The following RBFOX2 variants were observed in gnomAD, a reference collection of about 807,000 sequenced individuals.
RBFOX2 encodes RNA binding protein fox-1 homolog 2.
A neutral mutation model predicts 49.1 loss-of-function variants in RBFOX2; 10 were observed. That is an observed-to-expected ratio of 0.20 (90% CI 0.13 to 0.35). RBFOX2 has a LOEUF of 0.35. Ranked by LOEUF, RBFOX2 falls within the 10% of genes least tolerant of loss-of-function variation. The pLI is 1.00. For synonymous variants in RBFOX2, 183 were observed against 187.4 expected, an observed-to-expected ratio of 0.98 and a Z score of 0.19; for missense variants, 323 against 486.9, an observed-to-expected ratio of 0.66 and a Z score of 3.17.
At chr22:35,804,541 G>A (rs1431093693) in intron 2 of RBFOX2, among the ~76,000 whole-genome samples, 1 of 152,054 alleles carries the variant, frequency 6.6e-6, no homozygotes. Flanking sequence ...CAACACCAGG[G>A]TTAACAGCTG....
intron 1 of RBFOX2, among the ~76,000 whole-genome samples, chr22:35,906,278 G>C (rs2049120927): frequency 6.6e-6 from 1 of 152,146 alleles, no homozygotes; most frequent in African/African-American, 2.4e-5. Context: ...GGGAACTCAA[G>C]ACAGGAATGG....
intron 1 of RBFOX2, among the ~76,000 whole-genome samples, chr22:35,858,109 C>A (rs2042706227): frequency 6.6e-6 from 1 of 152,084 alleles, no homozygotes; most frequent in Non-Finnish European, 1.5e-5. Flanking sequence ...TGGTAGCAAA[C>A]CTGATAAACT....
intron 2 of RBFOX2, among the ~76,000 whole-genome samples, chr22:35,801,005 G>A (rs1165025207): frequency 6.6e-6 from 1 of 152,178 alleles, no homozygotes; most frequent in Admixed American, 6.5e-5. Flanking sequence ...AAGAGGACTA[G>A]TGAATATACA....
intron 1 of RBFOX2, among the ~76,000 whole-genome samples, chr22:35,857,439 T>C (rs16996140): frequency 0.013 from 1,961 of 152,292 alleles, 42 homozygotes; most frequent in African/African-American, 0.045. Flanking sequence ...TGTCCACATG[T>C]AGGGTATAAG....
At chr22:36,022,447 TG>T (rs536254238) in intron 1 of RBFOX2, among the ~76,000 whole-genome samples, 69 of 152,296 alleles carry the variant, frequency 4.5e-4, no homozygotes, top group African/African-American at 1.6e-3. Flanking sequence ...GCTAATCTCT[TG>T]AGTCACCCTG....
chr22:36,028,560 G>A (rs2146647798), exon 1 of RBFOX2: 1 of 836,962 alleles, frequency 1.2e-6, no homozygotes, highest in South Asian at 5.4e-5. Context: ...GCGTGCGCGC[G>A]AGCGGACTCC....
chr22:35,878,668 T>C (rs2045477478), intron 1 of RBFOX2, among the ~76,000 whole-genome samples: 1 of 152,220 alleles, frequency 6.6e-6, no homozygotes, highest in Non-Finnish European at 1.5e-5. Context: ...CTTGAACTCC[T>C]GGCCTCAAGG....
chr22:35,817,350 G>A (rs534762531), intron 1 of RBFOX2, among the ~76,000 whole-genome samples: 8 of 152,014 alleles, frequency 5.3e-5, no homozygotes, highest in Non-Finnish European at 8.8e-5. Flanking sequence ...GATGGTGCAC[G>A]TCTGTAATCC....
intron 1 of RBFOX2, among the ~76,000 whole-genome samples, chr22:35,875,593 T>C (rs912445339): frequency 4.0e-5 from 6 of 148,956 alleles, no homozygotes; most frequent in African/African-American, 1.5e-4. Context: ...TGCGAATTAA[T>C]AAATGCTCAC....
At chr22:35,847,686 T>C (rs2041394535) in intron 1 of RBFOX2, among the ~76,000 whole-genome samples, 1 of 152,110 alleles carries the variant, frequency 6.6e-6, no homozygotes, top group Non-Finnish European at 1.5e-5. Context: ...CTTTCCTATG[T>C]GGCAGAATGG....
chr22:35,961,075 CT>C (rs2056149946), intron 1 of RBFOX2, among the ~76,000 whole-genome samples: 1 of 152,128 alleles, frequency 6.6e-6, no homozygotes, highest in Non-Finnish European at 1.5e-5. Flanking sequence ...GTTTTCCTTT[CT>C]GCTGAAAAAG....
In RBFOX2 at chr22:35,899,331, C is replaced by A. The variant is rs561134029; in HGVS notation, c.-34+39516G>T. Among the ~76,000 whole-genome samples, 87 of 152,056 alleles carry A rather than the reference C, an allele frequency of 5.7e-4. 4 individuals carry two copies. The South Asian group carries it at 0.018, about 31-fold the overall frequency. The stretch of plus-strand genomic sequence containing the variant: ...ACCTCTGAAACTCCCATGGGTGGAA[C>A]CACCATAAACTTCTTTGGAACCACA... On this transcript the variant is annotated intron_variant, in intron 1 of 13. Transcript: ENST00000359369.
At chr22:35,959,559 T>C (rs2055971349) in intron 1 of RBFOX2, among the ~76,000 whole-genome samples, 1 of 152,194 alleles carries the variant, frequency 6.6e-6, no homozygotes, top group African/African-American at 2.4e-5. Flanking sequence ...GGTCACTAGG[T>C]ATCTTGTTAA....
intron 1 of RBFOX2, among the ~76,000 whole-genome samples, chr22:35,823,710 G>A (rs551095150): frequency 6.6e-6 from 1 of 152,140 alleles, no homozygotes; most frequent in Non-Finnish European, 1.5e-5. Context: ...TTAAGAACTC[G>A]AAGATTTATT....
chr22:35,776,564 T>A (rs1943957723), intron 4 of RBFOX2, among the ~76,000 whole-genome samples: 2 of 152,188 alleles, frequency 1.3e-5, no homozygotes, highest in South Asian at 4.1e-4. Flanking sequence ...CTGTTATCAA[T>A]TCCCAAAGTA....
chr22:35,824,144 C>T (rs555161605), intron 1 of RBFOX2, among the ~76,000 whole-genome samples: 4 of 151,450 alleles, frequency 2.6e-5, no homozygotes, highest in South Asian at 2.1e-4. Flanking sequence ...ATGAGACGGA[C>T]GAGACTCCAT....
chr22:36,004,938 G>A (rs193065063), intron 1 of RBFOX2, among the ~76,000 whole-genome samples: 1 of 152,160 alleles, frequency 6.6e-6, no homozygotes, highest in African/African-American at 2.4e-5. Context: ...CACTCTCCTC[G>A]AAGTGTCAAC....
chr22:35,897,689 G>A, intron 1 of RBFOX2: 4 of 1,132,456 alleles, frequency 3.5e-6, no homozygotes, highest in Non-Finnish European at 5.4e-6. Context: ...ACGTATACTG[G>A]TTGTTTAACT....
chr22:35,910,631 T>A (rs895803578), intron 1 of RBFOX2, among the ~76,000 whole-genome samples: 1 of 152,234 alleles, frequency 6.6e-6, no homozygotes, highest in Non-Finnish European at 1.5e-5. Context: ...GCAGCTTTAC[T>A]GTGTGAGATT....
Sources: gnomAD v4.1 joint callset for allele counts (sites outside exome capture counted in the v4.1 genomes callset) on GRCh38, gnomAD v4.1.1 for gene constraint, MANE v1.5 for transcripts, NCBI Gene and HGNC (gene_info 2026-07-23, HGNC 2026-07-21) for gene names.